TNS3: variants seen among roughly 807,000 people sequenced by gnomAD.
The protein encoded by TNS3 is tensin 3, also known as tensin-3.
Under a neutral mutation model 140.9 loss-of-function variants are expected in TNS3, and 45 were observed. The ratio of observed to expected loss-of-function variants is 0.32; its 90% confidence interval spans 0.25 to 0.41. The LOEUF (loss-of-function observed/expected upper bound fraction) is 0.41, where lower values mean the gene tolerates loss of function less well. Ranked by LOEUF, TNS3 falls within the 10% of genes least tolerant of loss-of-function variation. The probability of loss-of-function intolerance (pLI) is 1.00; values close to 1 mark genes in which losing one functional copy is unlikely to be tolerated. For synonymous variants in TNS3, 815 were observed against 788.4 expected (o/e 1.03, Z -0.56); for missense variants, 1,716 against 1,906.7 (o/e 0.90, Z 1.86).
chr7:47,369,748 G>A, intron 16 of TNS3, 127 bp from the exon 17 acceptor site: 2 of 1,118,972 alleles, frequency 1.8e-6, no homozygotes, highest in Non-Finnish European at 2.5e-6. Flanking sequence ...CAATAAACAA[G>A]GACAAAGATT....
Position 47,324,448 on chromosome 7 carries a change from C to T in TNS3, c.2651-19445G>A, listed in dbSNP as rs1445163505. On this transcript the variant is annotated intron_variant, in intron 20 of 30. Coordinates refer to ENST00000311160, the MANE Select transcript of TNS3 (RefSeq NM_022748.12). Reference sequence around the variant, plus strand: ...TGGCTTTCTCTCCATTTATTTTTATCTTTTTAAATGTCTCTTAACAGGGCT... The same window carrying T: ...TGGCTTTCTCTCCATTTATTTTTATTTTTTTAAATGTCTCTTAACAGGGCT... 3.9e-5 allele frequency among the ~76,000 whole-genome samples: 6 copies of T among 152,172 alleles called. No individual in the cohort carries two copies. The East Asian group carries it at 1.2e-3, about 29-fold the overall frequency.
chr7:47,305,483 C>G (rs549380108), intron 20 of TNS3, among the ~76,000 whole-genome samples: 3 of 152,252 alleles, frequency 2.0e-5, no homozygotes, highest in African/African-American at 7.2e-5. Flanking sequence ...GGCAGCCGGG[C>G]GGCCTAGGTG....
intron 2 of TNS3, among the ~76,000 whole-genome samples, chr7:47,516,486 T>C (rs546430036): frequency 6.6e-6 from 1 of 152,150 alleles, no homozygotes; most frequent in African/African-American, 2.4e-5. Context: ...CCATCCTGCC[T>C]CTGCCTTGTC....
chr7:47,457,871 G>A (rs371148946), intron 4 of TNS3, among the ~76,000 whole-genome samples: 2 of 152,260 alleles, frequency 1.3e-5, no homozygotes, highest in African/African-American at 4.8e-5. Context: ...GTCCTCATCT[G>A]TAAAAACAGG....
intron 1 of TNS3, among the ~76,000 whole-genome samples, chr7:47,547,961 C>T (rs1242037454): frequency 2.0e-5 from 3 of 152,212 alleles, no homozygotes; most frequent in South Asian, 2.1e-4. Flanking sequence ...AGTGCAGTGG[C>T]GCGATCTCAG....
chr7:47,495,946 T>C (rs951539931), intron 3 of TNS3, among the ~76,000 whole-genome samples: 1 of 151,774 alleles, frequency 6.6e-6, no homozygotes, highest in Non-Finnish European at 1.5e-5. Flanking sequence ...TTATGACAAG[T>C]GGATTTCTAA....
intron 4 of TNS3, among the ~76,000 whole-genome samples, chr7:47,469,833 G>C (rs1185427260): frequency 1.3e-5 from 2 of 151,982 alleles, no homozygotes; most frequent in African/African-American, 4.8e-5. Context: ...AATTAGCCAG[G>C]CGTAATGGCA....
At chr7:47,355,736 C>A (rs1562629570) in intron 17 of TNS3, among the ~76,000 whole-genome samples, 1 of 152,228 alleles carries the variant, frequency 6.6e-6, no homozygotes, top group Non-Finnish European at 1.5e-5. Flanking sequence ...TAAAATAACA[C>A]ATCCTGATAG....
chr7:47,539,074 C>T lies in TNS3; in HGVS notation c.-264-9927G>A, dbSNP rs778824791. On this transcript the variant is annotated intron_variant, in intron 1 of 30. Transcript: ENST00000311160. Reference sequence around the variant, plus strand: ...TCAGCTGGATCTACCACCGCCCTTACCATGGTGCCCACAGGAACCGGCCAA... The same window carrying T: ...TCAGCTGGATCTACCACCGCCCTTATCATGGTGCCCACAGGAACCGGCCAA... The T allele has an allele frequency of 1.1e-5, 5 of 456,704 alleles. No individual in the cohort carries two copies. The Admixed American group carries it at 1.2e-4, about 11-fold the overall frequency. 28.3% of individuals were successfully genotyped at this position (456,704 alleles called of 1,614,324 possible). A position where few individuals can be genotyped will look rare whatever the true frequency, so the allele number is the denominator to read the frequency against.
chr7:47,411,714 A>T lies in TNS3; in HGVS notation c.723+13T>A. On this transcript the variant is annotated intron_variant, in intron 13 of 30. Transcript: ENST00000311160. ...GGGACACCAACCCATCTGCGGCCAC[A>T]GCGGGCACTCACCATGACATCTCCC... 1 of 1,607,344 alleles carries T rather than the reference A, an allele frequency of 6.2e-7. No homozygotes were observed.
chr7:47,505,120 C>T (rs1356856447), intron 3 of TNS3, among the ~76,000 whole-genome samples: 2 of 152,146 alleles, frequency 1.3e-5, no homozygotes, highest in African/African-American at 4.8e-5. Context: ...AAGCAGCCCA[C>T]CCCCTCCTCC....
chr7:47,582,009 C>A (rs1253322872), intron 1 of TNS3, 42 bp downstream of exon 1: 1 of 152,040 alleles, frequency 6.6e-6, no homozygotes, highest in African/African-American at 2.4e-5. Flanking sequence ...CAAAGAGGAC[C>A]GCGGCGCGTG....
At chr7:47,362,087 TGG>T (rs1233111482) in intron 17 of TNS3, among the ~76,000 whole-genome samples, 1 of 151,832 alleles carries the variant, frequency 6.6e-6, no homozygotes, top group African/African-American at 2.4e-5. Flanking sequence ...AGACCCAGAG[TGG>T]GGCGGGGACA....
At chr7:47,306,987 A>G (rs1474276766) in intron 20 of TNS3, among the ~76,000 whole-genome samples, 2 of 152,214 alleles carry the variant, frequency 1.3e-5, no homozygotes, top group Non-Finnish European at 2.9e-5. Flanking sequence ...TGAACTTTAA[A>G]TGTTTAATTT....
At chr7:47,452,835 G>T in intron 4 of TNS3, 2 of 789,592 alleles carry the variant, frequency 2.5e-6, no homozygotes, top group Non-Finnish European at 3.1e-6. Context: ...CTGCAAAGCA[G>T]CCAGTACCGG....
chr7:47,579,524 T>G (rs1183839705), intron 1 of TNS3: 3 of 152,212 alleles, frequency 2.0e-5, no homozygotes, highest in Non-Finnish European at 4.4e-5. Flanking sequence ...GGCTTCCTAG[T>G]AAGTGGCAGG....
intron 4 of TNS3, among the ~76,000 whole-genome samples, chr7:47,469,780 C>A (rs1264267274): frequency 6.6e-6 from 1 of 152,016 alleles, no homozygotes; most frequent in East Asian, 1.9e-4. Flanking sequence ...TCGAGACCAG[C>A]CTGACCAACA....
chr7:47,565,705 TG>T (rs920258874), intron 1 of TNS3, among the ~76,000 whole-genome samples: 1 of 152,074 alleles, frequency 6.6e-6, no homozygotes, highest in African/African-American at 2.4e-5. Context: ...AGCCAGTAGG[TG>T]GGGGACAAAG....
intron 3 of TNS3, among the ~76,000 whole-genome samples, chr7:47,501,934 G>C (rs1429966654): frequency 6.6e-6 from 1 of 152,156 alleles, no homozygotes; most frequent in African/African-American, 2.4e-5. Flanking sequence ...AAGCGGGAGA[G>C]ACGCTCAACT....
Sources: allele counts gnomAD v4.1 joint callset (sites outside exome capture counted in the v4.1 genomes callset), GRCh38; gene constraint gnomAD v4.1.1; transcripts MANE v1.5; gene names NCBI Gene and HGNC (gene_info 2026-07-23, HGNC 2026-07-21).